RNF2: variants seen among roughly 807,000 people sequenced by gnomAD.
RNF2 encodes E3 ubiquitin-protein ligase RING2.
In RNF2, 6 loss-of-function variants were observed where a neutral mutation model predicts 37.2. The observed-to-expected ratio is 0.16, with a 90% CI of 0.09 to 0.32. The LOEUF (loss-of-function observed/expected upper bound fraction) is 0.32, where lower values mean the gene tolerates loss of function less well. Ranked by LOEUF, RNF2 falls within the 10% of genes least tolerant of loss-of-function variation. RNF2 has a pLI of 1.00. For synonymous variants in RNF2, 133 were observed against 132.7 expected, an observed-to-expected ratio of 1.00 and a Z score of -0.02; for missense variants, 251 against 404.0, an observed-to-expected ratio of 0.62 and a Z score of 3.25.
intron 1 of RNF2, among the ~76,000 whole-genome samples, chr1:185,070,122 T>G (rs1442054264): frequency 6.6e-6 from 1 of 152,238 alleles, no homozygotes; most frequent in Non-Finnish European, 1.5e-5. Flanking sequence ...TAGAAATGCT[T>G]CTTCAAATTG....
At chr1:185,064,126 TTAA>T (rs1650729352) in intron 1 of RNF2, among the ~76,000 whole-genome samples, 1 of 152,192 alleles carries the variant, frequency 6.6e-6, no homozygotes, top group Non-Finnish European at 1.5e-5. Flanking sequence ...GCATTTAAAA[TTAA>T]CAAATGGAAT....
intron 1 of RNF2, among the ~76,000 whole-genome samples, chr1:185,062,184 G>A (rs1358367926): frequency 2.0e-5 from 3 of 152,174 alleles, no homozygotes; most frequent in Admixed American, 1.3e-4. Context: ...TTTTTCAAAG[G>A]CAGCTGTGGG....
At chr1:185,059,915 T>G (rs1246938889) in intron 1 of RNF2, among the ~76,000 whole-genome samples, 1 of 152,236 alleles carries the variant, frequency 6.6e-6, no homozygotes, top group Non-Finnish European at 1.5e-5. Flanking sequence ...GATTATTTTC[T>G]TAGGTCTCTA....
In RNF2 at chr1:185,100,286, A is replaced by G. The variant is rs1469572711; in HGVS notation, c.996A>G (p.Thr332=). ...CCATGGAACTTTATTACGCACCTAC[A>G]AAGGAGCACAAATGAGCCTTTAAAA... is the stretch of plus-strand genomic sequence containing the variant. ...NKPMELYYAP[T]KEHK is the part of the protein sequence containing the mutation. Residue 332 remains threonine (T), a synonymous_variant, in exon 7 of 7, where the codon ACA becomes ACG. Coordinates refer to ENST00000367510, the MANE Select transcript of RNF2 (RefSeq NM_007212.4). 5.6e-6 allele frequency: 9 copies of G among 1,608,682 alleles called. No individual in the cohort carries two copies. In the African/African-American group the frequency reaches 1.2e-4, roughly 22 times the overall value.
intron 3 of RNF2, 56 bp downstream of exon 3, chr1:185,091,795 C>G: frequency 6.8e-7 from 1 of 1,463,920 alleles, no homozygotes; most frequent in Non-Finnish European, 9.3e-7. Context: ...AAAGTGCTTT[C>G]CAGGGTTTGA....
chr1:185,056,072 A>T (rs989394903), intron 1 of RNF2, among the ~76,000 whole-genome samples: 12 of 152,192 alleles, frequency 7.9e-5, no homozygotes, highest in Non-Finnish European at 1.3e-4. Context: ...TTACAGTTGC[A>T]TTGAAATGTA....
intron 1 of RNF2, among the ~76,000 whole-genome samples, chr1:185,058,610 G>A (rs1650509348): frequency 6.6e-6 from 1 of 152,202 alleles, no homozygotes; most frequent in Non-Finnish European, 1.5e-5. Context: ...TGTGGAATGA[G>A]TTTTGCTTTT....
chr1:185,070,638 C>CTTTTTT (rs893631238), intron 1 of RNF2, among the ~76,000 whole-genome samples: 18 of 129,706 alleles, frequency 1.4e-4, no homozygotes, highest in East Asian at 4.6e-4. Context: ...ATTTTCTTTT[C>CTTTTTT]TTTTTTTTTT....
rs149851529 is a variant in RNF2, at chr1:185,070,838, G to A, written c.-2-16714G>A. Among the ~76,000 whole-genome samples the A allele has an allele frequency of 3.7e-4, 56 of 151,896 alleles. 2 individuals carry two copies. The East Asian group carries it at 9.5e-3, about 26-fold the overall frequency. On this transcript the variant is annotated intron_variant, in intron 1 of 6. Coordinates refer to ENST00000367510, the MANE Select transcript of RNF2 (RefSeq NM_007212.4). ...TTTTTAGTAGAGACTGGGTTTCACC[G>A]TATTAGCCGGGATGGTCTCGATTTC...
chr1:185,095,504 C>G (rs545110174), intron 4 of RNF2, among the ~76,000 whole-genome samples: 1 of 152,270 alleles, frequency 6.6e-6, no homozygotes, highest in East Asian at 1.9e-4. Context: ...CCCTCCCTGC[C>G]TCATTTTTTT....
In RNF2 at chr1:185,066,237, T is replaced by C. The variant is rs116576477; in HGVS notation, c.-3+20588T>C. ...TTCTTGATACCTTTGTATTGCATAC[T>C]AGGCCTCACTGATCTAGTTCACATT... On this transcript the variant is annotated intron_variant, in intron 1 of 6. Transcript: ENST00000367510. Among the ~76,000 whole-genome samples, 521 of 152,322 alleles carry C rather than the reference T, an allele frequency of 3.4e-3. 5 individuals carry two copies. The highest frequency in any genetic ancestry group is 0.012 in the African/African-American group (494 of 41,576).
intron 1 of RNF2, among the ~76,000 whole-genome samples, chr1:185,077,352 C>G (rs1279255518): frequency 1.3e-5 from 2 of 150,688 alleles, no homozygotes; most frequent in South Asian, 2.1e-4. Context: ...CATAACATGA[C>G]GTAGGACTTT....
At chr1:185,048,723 G>A (rs1650184934) in intron 1 of RNF2, among the ~76,000 whole-genome samples, 1 of 151,996 alleles carries the variant, frequency 6.6e-6, no homozygotes, top group East Asian at 1.9e-4. Context: ...GTATGAAGAG[G>A]TTAGATTCTA....
chr1:185,087,550 A>G lies in RNF2; in HGVS notation c.-2-2A>G. ...TTGTTTTTCTCTCTTCTTTATTTCC[A>G]GCAATGTCTCAGGCTGTGCAGACAA... On this transcript the variant is annotated splice_acceptor_variant, in intron 1 of 6. Coordinates refer to ENST00000367510, the MANE Select transcript of RNF2 (RefSeq NM_007212.4). LOFTEE classifies it low-confidence loss of function (5UTR_SPLICE). 1 of 1,613,710 alleles carries G rather than the reference A, an allele frequency of 6.2e-7. No homozygotes were observed. Among genetic ancestry groups the G allele is most frequent in the Non-Finnish European group, 8.5e-7 (1 of 1,179,620 alleles).
At chr1:185,061,580 T>TGTGGAGAAG (rs1650606637) in intron 1 of RNF2, among the ~76,000 whole-genome samples, 2 of 152,190 alleles carry the variant, frequency 1.3e-5, no homozygotes, top group South Asian at 4.1e-4. Flanking sequence ...GAACTAGCTA[T>TGTGGAGAAG]TCTCTTTAAG....
chr1:185,054,637 T>G (rs1245309510), intron 1 of RNF2, among the ~76,000 whole-genome samples: 1 of 152,164 alleles, frequency 6.6e-6, no homozygotes, highest in African/African-American at 2.4e-5. Flanking sequence ...ATAATTGTCT[T>G]TCAAGATTGA....
chr1:185,100,148 A>G, intron 6 of RNF2, 52 bp from the exon 7 acceptor site: 3 of 1,399,668 alleles, frequency 2.1e-6, no homozygotes, highest in South Asian at 1.3e-5. Context: ...TCATTTCATT[A>G]TTATTGTGGT....
In RNF2 at chr1:185,099,835, A is replaced by G; in HGVS notation, c.782A>G (p.Lys261Arg). The change falls in exon 6 of 7, where the codon AAG (lysine) becomes AGG (arginine). Residue 261 changes from lysine to arginine, a missense_variant. Lys to Arg is a conservative substitution (Grantham distance 26). Transcript: ENST00000367510. ...AACGCCACTGTTGATCACTTATCCAAGTATCTGGCTGTGAGGTTAGCTTTA... is the reference window on the plus strand; with the variant it reads ...AACGCCACTGTTGATCACTTATCCAGGTATCTGGCTGTGAGGTTAGCTTTA... ...SGNATVDHLS[K>R]YLAVRLALEE... 1 of 1,614,172 alleles carries G rather than the reference A, an allele frequency of 6.2e-7. No individual in the cohort carries two copies. The highest frequency in any genetic ancestry group is 8.5e-7 in the Non-Finnish European group (1 of 1,180,012).
chr1:185,047,639 G>T (rs969544205), intron 1 of RNF2, among the ~76,000 whole-genome samples: 3 of 152,204 alleles, frequency 2.0e-5, no homozygotes, highest in Non-Finnish European at 4.4e-5. Context: ...CTTCCAGCAA[G>T]AGAAATGAGT....
Sources: gnomAD v4.1 joint callset for allele counts (sites outside exome capture counted in the v4.1 genomes callset) on GRCh38, gnomAD v4.1.1 for gene constraint, MANE v1.5 for transcripts, NCBI Gene and HGNC (gene_info 2026-07-23, HGNC 2026-07-21) for gene names.